CORO7: variants seen among roughly 807,000 people sequenced by gnomAD.
CORO7 encodes coronin-7.
In CORO7, 107 loss-of-function variants were observed where a neutral mutation model predicts 126.6. The observed-to-expected ratio is 0.85, with a 90% CI of 0.72 to 0.99. CORO7 has a LOEUF of 0.99. Ranked by LOEUF, CORO7 falls within the 50% of genes least tolerant of loss-of-function variation. The probability of loss-of-function intolerance (pLI) is 0.00; values close to 1 mark genes in which losing one functional copy is unlikely to be tolerated. For missense variants in CORO7, 1,314 were observed against 1,255.8 expected, an observed-to-expected ratio of 1.05 and a Z score of -0.70; for synonymous variants, 603 against 536.8, an observed-to-expected ratio of 1.12 and a Z score of -1.70.
rs1029230501 is a variant in CORO7 at position 4,412,982 on chromosome 16, C to A, written c.157+326G>T. On this transcript the variant is annotated intron_variant, in intron 2 of 27. Coordinates refer to ENST00000251166, the MANE Select transcript of CORO7 (RefSeq NM_024535.5). ...TTCAAGCCTTTCTGTTCCTACTGTC[C>A]CCAGCCATCCAGGGCCCAAAGATGA... 1.3e-5 allele frequency: 4 copies of A among 304,844 alleles called. No homozygotes were observed. The East Asian group carries it at 1.8e-4, about 14-fold the overall frequency. The allele number at this position is 304,844 out of a possible 1,614,324, so 18.9% of individuals were successfully genotyped here. A position where few individuals can be genotyped will look rare whatever the true frequency, so the allele number is the denominator to read the frequency against.
chr16:4,408,425 A>T (rs1304015665), intron 3 of CORO7, among the ~76,000 whole-genome samples, 174 bp from the exon 4 acceptor site: 1 of 152,160 alleles, frequency 6.6e-6, no homozygotes, highest in Admixed American at 6.5e-5. Context: ...CCTGCGACAT[A>T]CGTCCCCGAG....
At chr16:4,400,402 G>C (rs2055755589) in intron 6 of CORO7, among the ~76,000 whole-genome samples, 1 of 152,208 alleles carries the variant, frequency 6.6e-6, no homozygotes, top group Non-Finnish European at 1.5e-5. Context: ...GGGAGGCCGA[G>C]GTGGGTGGAT....
intron 25 of CORO7, 195 bp from the exon 26 acceptor site, chr16:4,357,454 G>T: frequency 1.8e-6 from 1 of 558,154 alleles, no homozygotes; most frequent in Non-Finnish European, 3.0e-6. Context: ...GCCTCCTCTG[G>T]GTTCAAGCGA....
intron 3 of CORO7, 126 bp from the exon 4 acceptor site, chr16:4,408,377 C>T (rs2141323349): frequency 1.5e-6 from 2 of 1,340,534 alleles, no homozygotes; most frequent in East Asian, 5.0e-5. Flanking sequence ...TCTACAAGGG[C>T]CCTCTGGACA....
intron 3 of CORO7, among the ~76,000 whole-genome samples, chr16:4,411,540 T>C (rs1218628363): frequency 6.6e-6 from 1 of 152,188 alleles, no homozygotes; most frequent in Non-Finnish European, 1.5e-5. Context: ...CGTCTCTATA[T>C]ACTTTTTAAA....
intron 6 of CORO7, among the ~76,000 whole-genome samples, chr16:4,405,039 A>G (rs1201143817): frequency 1.3e-5 from 2 of 152,102 alleles, no homozygotes; most frequent in Non-Finnish European, 2.9e-5. Flanking sequence ...GGCCTGTCCA[A>G]CCAGCTCAAA....
rs56171725 is a variant in CORO7, at chr16:4,400,008, C to T, written c.565-4669G>A. ...TATATGACATTCTGGAAAAGTCCAACATACAGACAATGAAAAGATCAGTGC... is the reference window on the plus strand; with the variant it reads ...TATATGACATTCTGGAAAAGTCCAATATACAGACAATGAAAAGATCAGTGC... On this transcript the variant is annotated intron_variant, in intron 6 of 27. Transcript: ENST00000251166. Among the ~76,000 whole-genome samples the T allele has an allele frequency of 2.9e-3, 437 of 152,266 alleles. 1 individual carries two copies. The highest frequency in any genetic ancestry group is 0.01 in the African/African-American group (420 of 41,554).
At chr16:4,368,719 G>A (rs2054424719) in intron 9 of CORO7, among the ~76,000 whole-genome samples, 1 of 143,612 alleles carries the variant, frequency 7.0e-6, no homozygotes. Flanking sequence ...CTGCATTCCA[G>A]CCTTGGCAAC....
At chr16:4,381,979 C>T (rs1306283583) in intron 9 of CORO7, 1 of 1,607,676 alleles carries the variant, frequency 6.2e-7, no homozygotes, top group African/African-American at 1.3e-5. Flanking sequence ...GGTGCGGGAG[C>T]CCACAGCCTT....
chr16:4,388,199 G>C, intron 8 of CORO7, 131 bp from the exon 9 acceptor site: 1 of 1,157,626 alleles, frequency 8.6e-7, no homozygotes, highest in Non-Finnish European at 1.2e-6. Flanking sequence ...GCTTGGAGTG[G>C]GGGTGGGAGT....
intron 9 of CORO7, among the ~76,000 whole-genome samples, chr16:4,376,861 G>A (rs977687257): frequency 6.6e-6 from 1 of 152,194 alleles, no homozygotes; most frequent in Non-Finnish European, 1.5e-5. Context: ...TTGGTGTGGG[G>A]ATGTCTGATC....
intron 3 of CORO7, among the ~76,000 whole-genome samples, chr16:4,410,243 A>G (rs1482383893): frequency 2.6e-5 from 4 of 152,126 alleles, no homozygotes; most frequent in Non-Finnish European, 1.5e-5. Flanking sequence ...TGGGCAACAC[A>G]GCAAAACCCC....
At chr16:4,411,267 C>T (rs995532961) in intron 3 of CORO7, among the ~76,000 whole-genome samples, 2 of 152,130 alleles carry the variant, frequency 1.3e-5, no homozygotes, top group Non-Finnish European at 2.9e-5. Context: ...GTGGCATAAA[C>T]CTGTGGTCCT....
intron 6 of CORO7, among the ~76,000 whole-genome samples, chr16:4,398,386 G>A (rs1442145258): frequency 1.3e-5 from 2 of 152,152 alleles, no homozygotes; most frequent in South Asian, 2.1e-4. Context: ...GTATCAGGCC[G>A]GGCGCGGTGG....
At chr16:4,388,903 G>A (rs2055290697) in intron 7 of CORO7, among the ~76,000 whole-genome samples, 2 of 152,196 alleles carry the variant, frequency 1.3e-5, no homozygotes, top group Non-Finnish European at 1.5e-5. Context: ...CTCCTACCAA[G>A]GAGAGGGCTG....
intron 9 of CORO7, among the ~76,000 whole-genome samples, chr16:4,376,405 G>A (rs2054733098): frequency 6.6e-6 from 1 of 152,178 alleles, no homozygotes; most frequent in South Asian, 2.1e-4. Context: ...AGGAGCGGGG[G>A]CCCGGAGTCT....
chr16:4,364,324 T>C lies in CORO7; in HGVS notation c.1227A>G (p.Thr409=). Residue 409 remains threonine (T), a synonymous_variant, in exon 14 of 28, where the codon ACA becomes ACG. Transcript: ENST00000251166. ...GTGTCTCCATCACCGCAGGCTGGGCTGTGTCAGGGAGGGGCTCCGCAGGGG... is the reference window on the plus strand; with the variant it reads ...GTGTCTCCATCACCGCAGGCTGGGCCGTGTCAGGGAGGGGCTCCGCAGGGG... ...LVPPAEPLPD[T]AQPAVMETPV... is the part of the protein sequence containing the mutation. 1 of 1,541,846 alleles carries C rather than the reference T, an allele frequency of 6.5e-7. No homozygotes were observed. Among genetic ancestry groups the C allele is most frequent in the Non-Finnish European group, 8.7e-7 (1 of 1,148,392 alleles).
Position 4,362,523 on chromosome 16 carries a change from C to T in CORO7, c.1402+89G>A. On this transcript the variant is annotated intron_variant, in intron 15 of 27. Transcript: ENST00000251166. The surrounding 1 kb of genome is among the most constrained non-coding windows in gnomAD (Gnocchi z 5.3). ...GGGGGTGCCCTGCATGAGGCCTGTG[C>T]TCAGCAGTAGGGTACACAGGAGGAT... 1 of 1,469,520 alleles carries T rather than the reference C, an allele frequency of 6.8e-7. No individual in the cohort carries two copies. Among genetic ancestry groups the T allele is most frequent in the East Asian group, 2.5e-5 (1 of 40,682 alleles). The allele number at this position is 1,469,520 out of a possible 1,614,324, so 91.0% of individuals were successfully genotyped here. A position where few individuals can be genotyped will look rare whatever the true frequency, so the allele number is the denominator to read the frequency against.
chr16:4,408,593 G>C (rs1355694966), intron 3 of CORO7, among the ~76,000 whole-genome samples: 2 of 152,238 alleles, frequency 1.3e-5, no homozygotes, highest in African/African-American at 4.8e-5. Flanking sequence ...AGTCGTGGAA[G>C]GTCCCCAGGA....
Sources: allele counts gnomAD v4.1 joint callset (sites outside exome capture counted in the v4.1 genomes callset), GRCh38; gene constraint gnomAD v4.1.1; non-coding constraint Gnocchi (gnomAD v3.1); transcripts MANE v1.5; gene names NCBI Gene and HGNC (gene_info 2026-07-23, HGNC 2026-07-21).